Variants in FBXW11 observed in about 807,000 individuals in gnomAD.
FBXW11 encodes the protein F-box and WD repeat domain containing 11.
FBXW11 carries 19 observed loss-of-function variants against 77.6 expected under a neutral mutation model. The ratio of observed to expected loss-of-function variants is 0.24; its 90% CI spans 0.17 to 0.36. The LOEUF is 0.36. FBXW11 is among the 10% of genes least tolerant of loss of function. The pLI is 1.00. For missense variants in FBXW11, 334 were observed against 704.2 expected (o/e 0.47, Z 5.95); for synonymous variants, 235 against 249.4 (o/e 0.94, Z 0.54).
At chr5:171,890,191 A>G (rs574829475) in intron 7 of FBXW11, among the ~76,000 whole-genome samples, 3 of 152,204 alleles carry the variant, frequency 2.0e-5, no homozygotes, top group South Asian at 2.1e-4. Flanking sequence ...GCTAGTATCA[A>G]AAAAAACTGA....
intron 2 of FBXW11, among the ~76,000 whole-genome samples, chr5:171,946,752 T>C (rs1202166247): frequency 6.6e-6 from 1 of 151,584 alleles, no homozygotes; most frequent in Non-Finnish European, 1.5e-5. Flanking sequence ...GGGTGCTCTA[T>C]TCCCCCCTTT....
chr5:171,984,648 T>C (rs1460872512), intron 1 of FBXW11, among the ~76,000 whole-genome samples: 8 of 152,196 alleles, frequency 5.3e-5, no homozygotes, highest in Admixed American at 5.2e-4. Flanking sequence ...GAATTCACTA[T>C]CCTTTTAACT....
intron 7 of FBXW11, among the ~76,000 whole-genome samples, chr5:171,879,748 T>C (rs189657135): frequency 1.3e-5 from 2 of 152,344 alleles, no homozygotes; most frequent in East Asian, 3.9e-4. Flanking sequence ...TGTATATCCT[T>C]CTTTGGTGAG....
chr5:171,896,732 T>C (rs1759765279), intron 6 of FBXW11, among the ~76,000 whole-genome samples: 1 of 152,180 alleles, frequency 6.6e-6, no homozygotes, highest in Non-Finnish European at 1.5e-5. Flanking sequence ...AACATGCACC[T>C]TGTTGTAAGA....
chr5:171,935,192 C>T (rs1454544531), intron 2 of FBXW11, among the ~76,000 whole-genome samples: 5 of 152,116 alleles, frequency 3.3e-5, no homozygotes, highest in Admixed American at 6.5e-5. Context: ...CTCCTGACCT[C>T]GTGATCTGCC....
At chr5:171,875,334 A>G (rs1286318968) in intron 9 of FBXW11, among the ~76,000 whole-genome samples, 1 of 152,228 alleles carries the variant, frequency 6.6e-6, no homozygotes, top group Non-Finnish European at 1.5e-5. Flanking sequence ...ACATTATGCT[A>G]AGTGAAAGCA....
chr5:171,882,470 G>GT (rs985047773), intron 7 of FBXW11, among the ~76,000 whole-genome samples: 1 of 151,904 alleles, frequency 6.6e-6, no homozygotes, highest in African/African-American at 2.4e-5. Flanking sequence ...CCCAGCTAAT[G>GT]TTTTTTAATT....
At chr5:171,880,611 T>C (rs1454182219) in intron 7 of FBXW11, among the ~76,000 whole-genome samples, 1 of 152,210 alleles carries the variant, frequency 6.6e-6, no homozygotes, top group Non-Finnish European at 1.5e-5. Context: ...CTTTAATCAG[T>C]TTTATAGTTT....
At chr5:171,958,889 A>G (rs1053235029) in intron 1 of FBXW11, among the ~76,000 whole-genome samples, 2 of 152,138 alleles carry the variant, frequency 1.3e-5, no homozygotes, top group Non-Finnish European at 2.9e-5. Flanking sequence ...AGAATAGCCA[A>G]ACACCCTCAT....
At chr5:171,889,878 A>T (rs1329728520) in intron 7 of FBXW11, among the ~76,000 whole-genome samples, 2 of 152,210 alleles carry the variant, frequency 1.3e-5, no homozygotes, top group East Asian at 3.8e-4. Context: ...AGGCAAGGGT[A>T]AAACTCCGTC....
chr5:172,000,374 A>C (rs1405992285), intron 1 of FBXW11, among the ~76,000 whole-genome samples: 1 of 152,184 alleles, frequency 6.6e-6, no homozygotes, highest in Non-Finnish European at 1.5e-5. Context: ...TAAAAATAGG[A>C]CTGGGTGGGT....
intron 7 of FBXW11, among the ~76,000 whole-genome samples, chr5:171,888,590 T>C (rs1759077374): frequency 6.6e-6 from 1 of 152,208 alleles, no homozygotes. Flanking sequence ...CCAAAAACAT[T>C]GTCCAGAGGA....
In FBXW11 at chr5:171,976,864, C is replaced by A. The variant is rs1348797582; in HGVS notation, c.46-19166G>T. ...GAATTTGAGACTAGCCTGACCAACA[C>A]AGTGAAATCCCATCTCTACTAAAAA... is the stretch of plus-strand genomic sequence containing the variant. On this transcript the variant is annotated intron_variant, in intron 1 of 13. Coordinates refer to ENST00000517395, the MANE Select transcript of FBXW11 (RefSeq NM_001378974.1). 3.3e-5 allele frequency among the ~76,000 whole-genome samples: 5 copies of A among 151,932 alleles called. No individual in the cohort carries two copies. The South Asian group carries it at 8.3e-4, about 25-fold the overall frequency.
chr5:171,936,820 G>A (rs1490391214), intron 2 of FBXW11, among the ~76,000 whole-genome samples: 2 of 151,972 alleles, frequency 1.3e-5, no homozygotes, highest in Non-Finnish European at 2.9e-5. Flanking sequence ...ATTTCTGAAA[G>A]CTTATCATAT....
intron 7 of FBXW11, among the ~76,000 whole-genome samples, chr5:171,881,499 T>A (rs530219364): frequency 6.6e-5 from 10 of 152,370 alleles, no homozygotes; most frequent in African/African-American, 2.4e-4. Context: ...TATGACGGAT[T>A]AATTGATTTT....
At chr5:171,979,345 A>G (rs1392198915) in intron 1 of FBXW11, among the ~76,000 whole-genome samples, 2 of 152,130 alleles carry the variant, frequency 1.3e-5, no homozygotes, top group Non-Finnish European at 2.9e-5. Context: ...ACATACATAC[A>G]TACATACATA....
At chr5:171,945,144 GA>G (rs1386460397) in intron 2 of FBXW11, among the ~76,000 whole-genome samples, 1 of 152,092 alleles carries the variant, frequency 6.6e-6, no homozygotes, top group Non-Finnish European at 1.5e-5. Flanking sequence ...CACTATGAAG[GA>G]AAAAAATAAA....
At chr5:171,967,257 T>C (rs1442994248) in intron 1 of FBXW11, among the ~76,000 whole-genome samples, 2 of 152,296 alleles carry the variant, frequency 1.3e-5, no homozygotes, top group East Asian at 3.9e-4. Flanking sequence ...AATAAAGAAA[T>C]GTCCAAAAAT....
chr5:171,997,100 C>T, intron 1 of FBXW11: 2 of 1,279,264 alleles, frequency 1.6e-6, no homozygotes, highest in South Asian at 2.5e-5. Flanking sequence ...GCACCAGCGG[C>T]AAAGGACAGC....
Sources: gnomAD v4.1 joint callset for allele counts (sites outside exome capture counted in the v4.1 genomes callset) on GRCh38, gnomAD v4.1.1 for gene constraint, MANE v1.5 for transcripts, NCBI Gene and HGNC (gene_info 2026-07-23, HGNC 2026-07-21) for gene names.